Variants in TNFSF11 observed in about 807,000 individuals in gnomAD.
TNFSF11 encodes tumor necrosis factor ligand superfamily member 11.
In TNFSF11, 12 loss-of-function variants were observed where a neutral mutation model predicts 32.2. The observed-to-expected ratio is 0.37, with a 90% confidence interval of 0.24 to 0.60. The LOEUF is 0.60. Among genes scored for constraint, TNFSF11 ranks in the 20% least tolerant of loss-of-function variants. TNFSF11 has a pLI of 0.66. For synonymous variants in TNFSF11, 172 were observed against 152.1 expected (o/e 1.13, Z -0.96); for missense variants, 345 against 398.0 (o/e 0.87, Z 1.13).
rs11385072 is a variant in TNFSF11, at chr13:42,599,349, C to CTATCATCCATCTATCT, written c.388-1403_388-1402insTATCATCCATCTATCT. On this transcript the variant is annotated intron_variant, in intron 2 of 4. Transcript: ENST00000398795. ...TCTATCTATCTATCTATCTATCTATCATCTATCTATCTATCTATCTATCTA... is the reference window on the plus strand; with the variant it reads ...TCTATCTATCTATCTATCTATCTATCTATCATCCATCTATCTATCTATCTATCTATCTATCTATCTA... Among the ~76,000 whole-genome samples the CTATCATCCATCTATCT allele has an allele frequency of 3.1e-3, 351 of 112,248 alleles. 2 individuals carry two copies. The highest frequency in any genetic ancestry group is 0.013 in the South Asian group (37 of 2,812). 73.6% of individuals were successfully genotyped at this position (112,248 alleles called of 152,430 possible). A position where few individuals can be genotyped will look rare whatever the true frequency, so the allele number is the denominator to read the frequency against.
intron 2 of TNFSF11, among the ~76,000 whole-genome samples, chr13:42,582,034 G>C (rs1873641065): frequency 6.6e-6 from 1 of 152,170 alleles, no homozygotes; most frequent in South Asian, 2.1e-4. Context: ...CACAAACAGT[G>C]ACCCCAGTGC....
At chr13:42,585,269 A>C (rs927546762) in intron 2 of TNFSF11, among the ~76,000 whole-genome samples, 1 of 152,244 alleles carries the variant, frequency 6.6e-6, no homozygotes, top group African/African-American at 2.4e-5. Context: ...TCTAATGTAG[A>C]TATTGAGTGA....
chr13:42,584,905 A>G (rs1301752356), intron 2 of TNFSF11, among the ~76,000 whole-genome samples: 1 of 152,254 alleles, frequency 6.6e-6, no homozygotes, highest in Non-Finnish European at 1.5e-5. Flanking sequence ...TAAAGCTGTT[A>G]TACCAATGTG....
chr13:42,580,133 A>G (rs1290249834), intron 1 of TNFSF11, among the ~76,000 whole-genome samples: 1 of 152,244 alleles, frequency 6.6e-6, no homozygotes, highest in Non-Finnish European at 1.5e-5. Flanking sequence ...AAGAAAATGC[A>G]GGTGAAGTAC....
intron 2 of TNFSF11, among the ~76,000 whole-genome samples, chr13:42,585,997 G>A (rs1036013921): frequency 6.6e-6 from 1 of 152,252 alleles, no homozygotes; most frequent in African/African-American, 2.4e-5. Context: ...CCCCTGGGAT[G>A]TGGGAAAGAA....
chr13:42,604,329 A>G (rs1193834091), intron 4 of TNFSF11, among the ~76,000 whole-genome samples: 1 of 152,178 alleles, frequency 6.6e-6, no homozygotes, highest in Non-Finnish European at 1.5e-5. Flanking sequence ...TTGGGGCCAG[A>G]TGATGGTATT....
intron 2 of TNFSF11, among the ~76,000 whole-genome samples, chr13:42,582,731 G>A (rs778254507): frequency 2.6e-5 from 4 of 152,184 alleles, no homozygotes; most frequent in Non-Finnish European, 4.4e-5. Context: ...ATGTTACAGT[G>A]TAATTTTTGA....
intron 2 of TNFSF11, 108 bp from the exon 3 acceptor site, chr13:42,600,644 T>G: frequency 8.2e-7 from 1 of 1,226,566 alleles, no homozygotes; most frequent in Non-Finnish European, 1.1e-6. Flanking sequence ...ATGGCACCTT[T>G]GGAAGGAAAA....
At chr13:42,574,973 G>A in intron 1 of TNFSF11, among the ~76,000 whole-genome samples, 1 of 152,254 alleles carries the variant, frequency 6.6e-6, no homozygotes, top group Non-Finnish European at 1.5e-5. Flanking sequence ...CCACCCGGCG[G>A]GTTTCGGTTC....
intron 1 of TNFSF11, among the ~76,000 whole-genome samples, chr13:42,575,370 G>T (rs1249141308): frequency 7.9e-5 from 12 of 152,206 alleles, no homozygotes; most frequent in Non-Finnish European, 2.9e-5. Flanking sequence ...GGTGGTTTAT[G>T]CTCTTGTGTT....
chr13:42,583,230 G>A (rs1047191675), intron 2 of TNFSF11, among the ~76,000 whole-genome samples: 11 of 151,622 alleles, frequency 7.3e-5, no homozygotes, highest in Admixed American at 3.9e-4. Context: ...GATCAACATA[G>A]TGAGACCTTC....
rs200460275 is a variant in TNFSF11, at chr13:42,606,514, C to A, written c.550C>A (p.Leu184Met). Reference sequence around the variant, plus strand: ...CTCCACAGGTTCCCATAAAGTGAGTCTGTCCTCTTGGTACCATGATCGGGG... The same window carrying A: ...CTCCACAGGTTCCCATAAAGTGAGTATGTCCTCTTGGTACCATGATCGGGG... ...DIPSGSHKVS[L>M]SSWYHDRGWA... The change falls in exon 5 of 5, where the codon CTG becomes ATG. Residue 184 changes from leucine to methionine, a missense_variant. Physicochemically the swap from Leu to Met is conservative, Grantham distance 15. Around this residue, in one of 2 missense-constraint regions of TNFSF11, gnomAD observed 148 missense variants for 216.0 expected, o/e 0.69. Transcript: ENST00000398795. The A allele has an allele frequency of 6.2e-7, 1 of 1,614,222 alleles. No individual in the cohort carries two copies. Among genetic ancestry groups the A allele is most frequent in the Non-Finnish European group, 8.5e-7 (1 of 1,180,040 alleles).
intron 2 of TNFSF11, among the ~76,000 whole-genome samples, chr13:42,568,203 C>A (rs1872937397): frequency 6.6e-6 from 1 of 152,226 alleles, no homozygotes; most frequent in South Asian, 2.1e-4. Context: ...TGCTTACACC[C>A]TTTCATGAAT....
upstream of TNFSF11, among the ~76,000 whole-genome samples, chr13:42,569,165 A>G (rs898508390): frequency 2.6e-5 from 4 of 152,150 alleles, no homozygotes; most frequent in Non-Finnish European, 4.4e-5. Flanking sequence ...CTTACTTTGC[A>G]TATGTAATCA....
chr13:42,580,060 A>T (rs1873528469), intron 1 of TNFSF11, among the ~76,000 whole-genome samples: 1 of 152,144 alleles, frequency 6.6e-6, no homozygotes, highest in South Asian at 2.1e-4. Flanking sequence ...ACTTGTCATT[A>T]ATTTGACTGA....
At chr13:42,573,025 TC>T (rs1207988739), upstream of TNFSF11, among the ~76,000 whole-genome samples, 1 of 152,190 alleles carries the variant, frequency 6.6e-6, no homozygotes, top group Non-Finnish European at 1.5e-5. Flanking sequence ...ACACACATCC[TC>T]TTGTACACTT....
intron 1 of TNFSF11, among the ~76,000 whole-genome samples, chr13:42,565,369 A>G (rs182729407): frequency 6.6e-6 from 1 of 152,296 alleles, no homozygotes; most frequent in African/African-American, 2.4e-5. Context: ...AGGAAATAAT[A>G]TGCTTTTTCT....
chr13:42,600,840 AC>A, intron 3 of TNFSF11, 42 bp from the exon 4 acceptor site: 1 of 1,614,084 alleles, frequency 6.2e-7, no homozygotes, highest in Non-Finnish European at 8.5e-7. Flanking sequence ...CCACAGGGTC[AC>A]TACTATTTTG....
At chr13:42,579,847 A>G (rs1260631963) in intron 1 of TNFSF11, among the ~76,000 whole-genome samples, 1 of 151,018 alleles carries the variant, frequency 6.6e-6, no homozygotes, top group Non-Finnish European at 1.5e-5. Flanking sequence ...TCACGGTGGT[A>G]TCTCTTCCAT....
Sources: allele counts gnomAD v4.1 joint callset (sites outside exome capture counted in the v4.1 genomes callset), GRCh38; gene constraint gnomAD v4.1.1; regional missense constraint gnomAD v4.1.1; transcripts MANE v1.5; gene names NCBI Gene and HGNC (gene_info 2026-07-23, HGNC 2026-07-21).